CUL5: variants seen among roughly 807,000 people sequenced by gnomAD.
The protein encoded by CUL5 is cullin 5.
A neutral mutation model predicts 108.8 loss-of-function variants in CUL5; 26 were observed. The observed-to-expected ratio is 0.24, with a 90% CI of 0.18 to 0.33. The LOEUF (loss-of-function observed/expected upper bound fraction) is 0.33, where lower values mean the gene tolerates loss of function less well. Ranked by LOEUF, CUL5 falls within the 10% of genes least tolerant of loss-of-function variation. The pLI is 1.00. For missense variants in CUL5, 524 were observed against 909.2 expected, an observed-to-expected ratio of 0.58 and a Z score of 5.45; for synonymous variants, 334 against 298.0, an observed-to-expected ratio of 1.12 and a Z score of -1.25.
At chr11:108,058,461 G>T (rs539883329) in intron 7 of CUL5, among the ~76,000 whole-genome samples, 2 of 151,504 alleles carry the variant, frequency 1.3e-5, no homozygotes, top group Admixed American at 1.3e-4. Context: ...TGTTAGCCAG[G>T]ATGGTCTTGA....
chr11:108,067,353 TTTAA>T lies in CUL5; in HGVS notation c.781-2739_781-2736del, dbSNP rs771248805. 9.8e-5 allele frequency among the ~76,000 whole-genome samples: 15 copies of T among 152,370 alleles called. 1 individual carries two copies. The highest frequency in any genetic ancestry group is 6.8e-3 in the Middle Eastern group (2 of 294). ...ATTTACCAAATTCTTCTCAGTTTAC[TTTAA>T]TTATGTTGTCAATTTAGCTCTCCTT... On this transcript the variant is annotated intron_variant, in intron 7 of 18. Coordinates refer to ENST00000393094, the MANE Select transcript of CUL5 (RefSeq NM_003478.6).
chr11:108,013,219 A>G (rs1189578140), intron 1 of CUL5, among the ~76,000 whole-genome samples: 2 of 151,748 alleles, frequency 1.3e-5, no homozygotes, highest in African/African-American at 2.4e-5. Context: ...TTTGTTTTTC[A>G]CTGACTTCCC....
At chr11:108,079,222 G>C (rs754431280) in intron 11 of CUL5, among the ~76,000 whole-genome samples, 1 of 152,166 alleles carries the variant, frequency 6.6e-6, no homozygotes, top group Non-Finnish European at 1.5e-5. Context: ...TTCTGCCTCA[G>C]CCTCCCGAGT....
rs577761170 is a variant in CUL5, at chr11:108,087,128, A to G, written c.1179-1399A>G. 5.9e-5 allele frequency among the ~76,000 whole-genome samples: 9 copies of G among 152,294 alleles called. No individual in the cohort carries two copies. The East Asian group carries it at 1.5e-3, about 26-fold the overall frequency. On this transcript the variant is annotated intron_variant, in intron 11 of 18. Transcript: ENST00000393094. ...AATTGAATGATATAATAAGAAAAAC[A>G]TATTCTAGTCTCATCTACTTATTTA...
intron 2 of CUL5, among the ~76,000 whole-genome samples, chr11:108,044,499 C>T (rs964302822): frequency 1.6e-5 from 2 of 125,494 alleles, no homozygotes; most frequent in African/African-American, 5.4e-5. Flanking sequence ...CAGAGTGAGA[C>T]AGTGTCTCAA....
Position 108,070,130 on chromosome 11 carries a change from C to T in CUL5, c.815C>T (p.Ser272Leu). The T allele has an allele frequency of 6.2e-7, 1 of 1,611,818 alleles. No homozygotes were observed. Among genetic ancestry groups the T allele is most frequent in the South Asian group, 1.1e-5 (1 of 90,764 alleles). Reference protein sequence around the residue: ...MECCVNALVTSFKETILAECQ... With the variant: ...MECCVNALVTLFKETILAECQ... Reference sequence around the variant, plus strand: ...TGCTGTGTAAATGCCCTGGTGACATCATTTAAAGAGACTATCTTAGCTGAG... The same window carrying T: ...TGCTGTGTAAATGCCCTGGTGACATTATTTAAAGAGACTATCTTAGCTGAG... The change falls in exon 8 of 19, where the codon TCA (serine) becomes TTA (leucine). Residue 272 changes from serine to leucine, a missense_variant. Physicochemically the swap from Ser to Leu is moderately radical, Grantham distance 145. This residue lies in a region of CUL5 where 170 missense variants were observed against 305.1 expected (regional missense o/e 0.56). Transcript: ENST00000393094.
At chr11:108,078,094 T>G in intron 10 of CUL5, 82 bp from the exon 11 acceptor site, 2 of 770,168 alleles carry the variant, frequency 2.6e-6, no homozygotes, top group Non-Finnish European at 4.1e-6. Flanking sequence ...ACTAACATAT[T>G]TTTATGTGTT....
chr11:108,077,107 A>T (rs112211266), intron 10 of CUL5, among the ~76,000 whole-genome samples: 6 of 152,304 alleles, frequency 3.9e-5, no homozygotes, highest in African/African-American at 1.4e-4. Flanking sequence ...ATGATTGGAG[A>T]TAGAAAAGAG....
chr11:108,009,292 C>A lies in CUL5; in HGVS notation c.-57C>A. Reference sequence around the variant, plus strand: ...GGGAGCTCCGGCCTCCGGTCAAGGCCTGGCCGGGAGCGCCACGAATTCTCG... The same window carrying A: ...GGGAGCTCCGGCCTCCGGTCAAGGCATGGCCGGGAGCGCCACGAATTCTCG... On this transcript the variant is annotated 5_prime_UTR_variant, in exon 1 of 19. It adds an upstream start codon to the 5' untranslated region. Coordinates refer to ENST00000393094, the MANE Select transcript of CUL5 (RefSeq NM_003478.6). The A allele has an allele frequency of 6.2e-7, 1 of 1,603,054 alleles. No individual in the cohort carries two copies. Among genetic ancestry groups the A allele is most frequent in the South Asian group, 1.1e-5 (1 of 90,244 alleles).
chr11:108,100,049 A>T (rs1864614163), intron 18 of CUL5, among the ~76,000 whole-genome samples: 2 of 152,126 alleles, frequency 1.3e-5, no homozygotes, highest in Admixed American at 1.3e-4. Flanking sequence ...CAAGTTCAAA[A>T]TTTTAAAATT....
At position 108,032,258 on chromosome 11, in the gene CUL5, G is replaced by A. The variant is rs77684359; in HGVS notation, c.25-1544G>A. On this transcript the variant is annotated intron_variant, in intron 1 of 18. Coordinates refer to ENST00000393094, the MANE Select transcript of CUL5 (RefSeq NM_003478.6). ...TCAGTGGCTTACTGCTATAACCTCAGCATTTTGGGAGACTCAGGTGAGTGC... is the reference window on the plus strand; with the variant it reads ...TCAGTGGCTTACTGCTATAACCTCAACATTTTGGGAGACTCAGGTGAGTGC... Among the ~76,000 whole-genome samples the A allele has an allele frequency of 5.1e-3, 782 of 152,218 alleles. 8 individuals carry two copies. Among genetic ancestry groups the A allele is most frequent in the African/African-American group, 0.017 (706 of 41,532 alleles).
chr11:108,009,144 G>C lies in CUL5; in HGVS notation c.-205G>C. On this transcript the variant is annotated 5_prime_UTR_variant, in exon 1 of 19. Coordinates refer to ENST00000393094, the MANE Select transcript of CUL5 (RefSeq NM_003478.6). ...GAGGTCTTTCGCGTGGGGAAGCTCCGGTGACCATGTAGGGGAGAAGAGTGA... is the reference window on the plus strand; with the variant it reads ...GAGGTCTTTCGCGTGGGGAAGCTCCCGTGACCATGTAGGGGAGAAGAGTGA... 5.0e-6 allele frequency: 3 copies of C among 600,666 alleles called. No homozygotes were observed. The South Asian group carries it at 6.2e-5, about 12-fold the overall frequency. 37.2% of individuals were successfully genotyped at this position (600,666 alleles called of 1,614,324 possible).
intron 7 of CUL5, among the ~76,000 whole-genome samples, chr11:108,058,949 C>G (rs150054840): frequency 1.2e-4 from 19 of 152,142 alleles, no homozygotes; most frequent in African/African-American, 4.6e-4. Flanking sequence ...GGCATGTTGA[C>G]AGCAAAAAGT....
chr11:108,009,279 C>T lies in CUL5; in HGVS notation c.-70C>T, dbSNP rs1226811688. On this transcript the variant is annotated 5_prime_UTR_variant, in exon 1 of 19. Transcript: ENST00000393094. ...CCTGGGCCCTGGTGGGAGCTCCGGC[C>T]TCCGGTCAAGGCCTGGCCGGGAGCG... The T allele has an allele frequency of 1.3e-6, 2 of 1,579,656 alleles. No homozygotes were observed. Among genetic ancestry groups the T allele is most frequent in the East Asian group, 4.5e-5 (2 of 44,616 alleles).
intron 2 of CUL5, among the ~76,000 whole-genome samples, chr11:108,037,021 C>T (rs1862762470): frequency 6.6e-6 from 1 of 151,896 alleles, no homozygotes; most frequent in South Asian, 2.1e-4. Context: ...TTATTTTTTC[C>T]TATTTAGAGG....
Position 108,020,535 on chromosome 11 carries a change from A to ATT in CUL5, c.24+11175_24+11176dup, listed in dbSNP as rs34112083. ...GTTTGTGCAGCTGAATGTGTTTGTGATTTTTTTTTTTTTGTTTTTTGTTTA... is the reference window on the plus strand; with the variant it reads ...GTTTGTGCAGCTGAATGTGTTTGTGATTTTTTTTTTTTTTTGTTTTTTGTTTA... On this transcript the variant is annotated intron_variant, in intron 1 of 18. Transcript: ENST00000393094. Among the ~76,000 whole-genome samples, 909 of 148,186 alleles carry ATT rather than the reference A, an allele frequency of 6.1e-3. 3 individuals are homozygous for ATT. Among genetic ancestry groups the ATT allele is most frequent in the Middle Eastern group, 0.049 (14 of 288 alleles).
At chr11:108,063,221 GCAACTATCCTTTA>G (rs1195495541) in intron 7 of CUL5, among the ~76,000 whole-genome samples, 1 of 151,998 alleles carries the variant, frequency 6.6e-6, no homozygotes, top group East Asian at 1.9e-4. Flanking sequence ...CCAGCATCTG[GCAACTATCCTTTA>G]CTCTCTATTT....
At chr11:108,096,097 A>G (rs1245429932) in intron 16 of CUL5, among the ~76,000 whole-genome samples, 1 of 142,974 alleles carries the variant, frequency 7.0e-6, no homozygotes, top group African/African-American at 2.6e-5. Context: ...ACTCCGTCTG[A>G]AAAAAAAAAA....
intron 18 of CUL5, among the ~76,000 whole-genome samples, chr11:108,100,309 G>A (rs1282899274): frequency 6.6e-6 from 1 of 152,074 alleles, no homozygotes; most frequent in African/African-American, 2.4e-5. Flanking sequence ...TTGGGAGGCC[G>A]AGGTGGGCAG....
Sources: gnomAD v4.1 joint callset for allele counts (sites outside exome capture counted in the v4.1 genomes callset) on GRCh38, gnomAD v4.1.1 for gene constraint, gnomAD v4.1.1 regional missense constraint, MANE v1.5 for transcripts, NCBI Gene and HGNC (gene_info 2026-07-23, HGNC 2026-07-21) for gene names.